Variants in CTDSPL observed in about 807,000 individuals in gnomAD.
The protein encoded by CTDSPL is CTD small phosphatase-like protein.
CTDSPL carries 8 observed loss-of-function variants against 30.5 expected under a neutral mutation model. The ratio of observed to expected loss-of-function variants is 0.26; its 90% CI spans 0.15 to 0.47. CTDSPL has a LOEUF of 0.47. Ranked by LOEUF, CTDSPL falls within the 20% of genes least tolerant of loss-of-function variation. The pLI, the probability that CTDSPL is intolerant of heterozygous loss-of-function variation, is 0.99. For synonymous variants in CTDSPL, 110 were observed against 137.9 expected (o/e 0.80, Z 1.42); for missense variants, 248 against 366.1 (o/e 0.68, Z 2.63).
intron 1 of CTDSPL, among the ~76,000 whole-genome samples, chr3:37,907,620 T>C (rs935410162): frequency 1.3e-5 from 2 of 152,122 alleles, no homozygotes; most frequent in African/African-American, 4.8e-5. Flanking sequence ...TGTACCACAG[T>C]GTATTTATCA....
intron 1 of CTDSPL, among the ~76,000 whole-genome samples, chr3:37,944,488 G>A (rs1218029278): frequency 6.7e-6 from 1 of 150,094 alleles, no homozygotes; most frequent in Non-Finnish European, 1.5e-5. Context: ...TAGCAGCTGG[G>A]GCTGGAAGGC....
At chr3:37,971,579 C>T in intron 6 of CTDSPL, 80 bp downstream of exon 6, 1 of 1,346,752 alleles carries the variant, frequency 7.4e-7, no homozygotes, top group Non-Finnish European at 1.0e-6. Context: ...TGTCAAGCAG[C>T]CCTTTGTTTT....
chr3:37,944,133 A>G (rs1699009881), intron 1 of CTDSPL, among the ~76,000 whole-genome samples: 1 of 150,288 alleles, frequency 6.7e-6, no homozygotes, highest in Non-Finnish European at 1.5e-5. Flanking sequence ...AGACAGTTTA[A>G]CAAGACTGTT....
At chr3:37,912,995 G>T (rs11709454) in intron 1 of CTDSPL, among the ~76,000 whole-genome samples, 1 of 152,182 alleles carries the variant, frequency 6.6e-6, no homozygotes, top group East Asian at 1.9e-4. Context: ...TAGATAGTTT[G>T]ATTAGAAGTA....
At chr3:37,940,117 C>G (rs1698961775) in intron 1 of CTDSPL, among the ~76,000 whole-genome samples, 1 of 150,174 alleles carries the variant, frequency 6.7e-6, no homozygotes, top group South Asian at 2.1e-4. Context: ...TTCTATACCC[C>G]TCGCTACTCA....
intron 1 of CTDSPL, among the ~76,000 whole-genome samples, chr3:37,880,814 T>C (rs1270090039): frequency 6.6e-6 from 1 of 152,172 alleles, no homozygotes; most frequent in Non-Finnish European, 1.5e-5. Flanking sequence ...CTCATTGTAT[T>C]GGTCAGAGTT....
intron 1 of CTDSPL, among the ~76,000 whole-genome samples, chr3:37,877,633 A>G (rs571250472): frequency 3.9e-4 from 60 of 152,232 alleles, no homozygotes; most frequent in Middle Eastern, 3.4e-3. Context: ...TGGTCATTCT[A>G]TTTGTACTGT....
rs564506928 is a variant in CTDSPL, at chr3:37,957,379, A to C, written c.267+236A>C. On this transcript the variant is annotated intron_variant, in intron 3 of 7. Transcript: ENST00000273179. ...AACAGCAGGGCAGCCAGCTCCATTAACCTAATTCTCATTTTTCCTTTCTCT... is the reference window on the plus strand; with the variant it reads ...AACAGCAGGGCAGCCAGCTCCATTACCCTAATTCTCATTTTTCCTTTCTCT... Among the ~76,000 whole-genome samples, 175 of 152,208 alleles carry C rather than the reference A, an allele frequency of 1.1e-3. 1 individual carries two copies. The highest frequency in any genetic ancestry group is 4.1e-3 in the African/African-American group (170 of 41,544).
rs1021159834 is a variant in CTDSPL at position 37,980,886 on chromosome 3, T to C, written c.*19T>C. ...TAGGTAGCCCTGGCCTCTGCCTGCC[T>C]CCCGCCTGTGCACTCTGGAACCTCT... On this transcript the variant is annotated 3_prime_UTR_variant, in exon 8 of 8. Coordinates refer to ENST00000273179, the MANE Select transcript of CTDSPL (RefSeq NM_001008392.2). 1 of 1,610,656 alleles carries C rather than the reference T, an allele frequency of 6.2e-7. No homozygotes were observed. Among genetic ancestry groups the C allele is most frequent in the Non-Finnish European group, 8.5e-7 (1 of 1,177,944 alleles).
chr3:37,947,032 T>C (rs777071206), intron 1 of CTDSPL, 25 bp from the exon 2 acceptor site: 6 of 1,607,712 alleles, frequency 3.7e-6, no homozygotes, highest in South Asian at 2.2e-5. Context: ...CAGTTGGCCA[T>C]AGTGTGCTCT....
chr3:37,960,511 T>A (rs866229616), intron 3 of CTDSPL, among the ~76,000 whole-genome samples: 385 of 27,758 alleles, frequency 0.014, 5 homozygotes, highest in African/African-American at 0.022. Flanking sequence ...AAAAAATATA[T>A]ATATATATAT....
chr3:37,928,678 G>T (rs1228578207), intron 1 of CTDSPL, among the ~76,000 whole-genome samples: 1 of 151,780 alleles, frequency 6.6e-6, no homozygotes, highest in Non-Finnish European at 1.5e-5. Context: ...ATATTTTTTT[G>T]GATACTCTTT....
chr3:37,951,786 T>A (rs1255428462), intron 2 of CTDSPL, among the ~76,000 whole-genome samples: 1 of 150,592 alleles, frequency 6.6e-6, no homozygotes, highest in African/African-American at 2.4e-5. Context: ...ACAGAGGGAG[T>A]AAAGGAGAAG....
intron 5 of CTDSPL, among the ~76,000 whole-genome samples, chr3:37,970,900 C>T (rs1699359345): frequency 6.6e-6 from 1 of 152,180 alleles, no homozygotes; most frequent in Non-Finnish European, 1.5e-5. Context: ...TGGGCCTGTG[C>T]TTCAACCCCA....
At chr3:37,900,053 T>G (rs1428356132) in intron 1 of CTDSPL, among the ~76,000 whole-genome samples, 1 of 152,212 alleles carries the variant, frequency 6.6e-6, no homozygotes, top group Admixed American at 6.6e-5. Context: ...CCTGGGGCCT[T>G]TAATCACAAT....
chr3:37,942,903 C>T (rs1182784188), intron 1 of CTDSPL, among the ~76,000 whole-genome samples: 1 of 150,248 alleles, frequency 6.7e-6, no homozygotes, highest in Non-Finnish European at 1.5e-5. Context: ...TGGGCTTTAC[C>T]TGTCATGTCA....
At chr3:37,907,923 G>A (rs1698536331) in intron 1 of CTDSPL, among the ~76,000 whole-genome samples, 1 of 152,206 alleles carries the variant, frequency 6.6e-6, no homozygotes, top group African/African-American at 2.4e-5. Flanking sequence ...GGCTAGTGGT[G>A]TGCCAGGAAC....
rs915103232 is a variant in CTDSPL, at chr3:37,924,559, C to T, written c.80-22498C>T. ...CATATTGATCTTCCTTCCTCCACAA[C>T]GAGAAAATAACAAAAGTAAATATTT... is the stretch of plus-strand genomic sequence containing the variant. On this transcript the variant is annotated intron_variant, in intron 1 of 7. Transcript: ENST00000273179. Among the ~76,000 whole-genome samples, 6 of 152,250 alleles carry T rather than the reference C, an allele frequency of 3.9e-5. 1 individual carries two copies. The highest frequency in any genetic ancestry group is 6.8e-3 in the Middle Eastern group (2 of 294).
At chr3:37,891,321 A>G (rs1467533251) in intron 1 of CTDSPL, among the ~76,000 whole-genome samples, 1 of 152,230 alleles carries the variant, frequency 6.6e-6, no homozygotes, top group Non-Finnish European at 1.5e-5. Context: ...TGGACCACCC[A>G]GACCACAGTG....
Sources: gnomAD v4.1 joint callset for allele counts (sites outside exome capture counted in the v4.1 genomes callset) on GRCh38, gnomAD v4.1.1 for gene constraint, MANE v1.5 for transcripts, NCBI Gene and HGNC (gene_info 2026-07-23, HGNC 2026-07-21) for gene names.